The following AFAP1 variants were observed in gnomAD, a reference collection of about 807,000 sequenced individuals.
AFAP1 encodes actin filament-associated protein 1.
Under a neutral mutation model 93.9 loss-of-function variants are expected in AFAP1, and 75 were observed. That is an observed-to-expected ratio of 0.80 (90% CI 0.66 to 0.97). The LOEUF (loss-of-function observed/expected upper bound fraction) is 0.97. Ranked by LOEUF, AFAP1 falls within the 50% of genes least tolerant of loss-of-function variation. The probability of loss-of-function intolerance (pLI) is 0.00; values close to 1 mark genes in which losing one functional copy is unlikely to be tolerated. For synonymous variants in AFAP1, 517 were observed against 430.7 expected (o/e 1.20, Z -2.48); for missense variants, 1,201 against 1,050.8 (o/e 1.14, Z -1.98).
chr4:7,766,206 T>A (rs919873041), intron 17 of AFAP1, among the ~76,000 whole-genome samples: 5 of 152,048 alleles, frequency 3.3e-5, no homozygotes, highest in Non-Finnish European at 7.4e-5. Flanking sequence ...AAGGGGAGGA[T>A]GGGTAGCTGG....
At chr4:7,826,290 G>T (rs1029811779) in intron 6 of AFAP1, among the ~76,000 whole-genome samples, 3 of 152,216 alleles carry the variant, frequency 2.0e-5, no homozygotes, top group African/African-American at 4.8e-5. Flanking sequence ...CAAGGAAACA[G>T]AGTTTGGAGA....
intron 13 of AFAP1, among the ~76,000 whole-genome samples, chr4:7,779,721 G>A (rs991739543): frequency 6.6e-6 from 1 of 152,084 alleles, no homozygotes; most frequent in African/African-American, 2.4e-5. Flanking sequence ...TTTCTGAGCC[G>A]CCATTTGATC....
At chr4:7,885,197 C>A (rs1718077557) in intron 1 of AFAP1, among the ~76,000 whole-genome samples, 1 of 152,186 alleles carries the variant, frequency 6.6e-6, no homozygotes, top group African/African-American at 2.4e-5. Context: ...TCTTAATTAA[C>A]CTGGACTGTG....
chr4:7,891,564 G>A (rs1718472890), intron 1 of AFAP1, among the ~76,000 whole-genome samples: 1 of 152,126 alleles, frequency 6.6e-6, no homozygotes, highest in Non-Finnish European at 1.5e-5. Flanking sequence ...AGCTAATTCT[G>A]TTTTTCATAA....
At chr4:7,797,579 A>G (rs548786822) in intron 10 of AFAP1, among the ~76,000 whole-genome samples, 3 of 152,328 alleles carry the variant, frequency 2.0e-5, no homozygotes, top group Non-Finnish European at 2.9e-5. Flanking sequence ...CCTAAGTGTC[A>G]ATGATGTTGT....
chr4:7,872,823 G>A (rs1322337980), intron 1 of AFAP1, among the ~76,000 whole-genome samples: 1 of 150,866 alleles, frequency 6.6e-6, no homozygotes, highest in African/African-American at 2.4e-5. Context: ...TGGTGTAAAT[G>A]CCAAGGTAAA....
Position 7,763,756 on chromosome 4 carries a change from T to C in AFAP1, c.*9A>G. 2 of 1,551,674 alleles carry C rather than the reference T, an allele frequency of 1.3e-6. No homozygotes were observed. Among genetic ancestry groups the C allele is most frequent in the Non-Finnish European group, 1.7e-6 (2 of 1,146,974 alleles). On this transcript the variant is annotated 3_prime_UTR_variant, in exon 18 of 18. Coordinates refer to ENST00000420658, the MANE Select transcript of AFAP1 (RefSeq NM_001134647.2). ...GCAGTCTCTGAGGCTGGAGTGGTGC[T>C]GCTGTCCCCTAGGTCCCGTTCTTCA...
intron 4 of AFAP1, among the ~76,000 whole-genome samples, chr4:7,846,529 GC>G (rs937842804): frequency 2.6e-4 from 40 of 152,182 alleles, no homozygotes; most frequent in African/African-American, 9.4e-4. Flanking sequence ...GGACCACACA[GC>G]CCTCAGGGCT....
At chr4:7,764,393 A>T (rs377525867) in intron 17 of AFAP1, among the ~76,000 whole-genome samples, 19 of 106,848 alleles carry the variant, frequency 1.8e-4, no homozygotes, top group East Asian at 1.2e-3. Context: ...CAAAAAATAT[A>T]AAAAAAAAAG....
intron 16 of AFAP1, among the ~76,000 whole-genome samples, chr4:7,770,402 C>G (rs574191043): frequency 4.1e-4 from 62 of 152,098 alleles, no homozygotes; most frequent in Non-Finnish European, 1.8e-4. Flanking sequence ...CGGGGGTCAC[C>G]ATGATGAAAG....
chr4:7,878,858 C>G (rs749451435), intron 1 of AFAP1, among the ~76,000 whole-genome samples: 44 of 152,108 alleles, frequency 2.9e-4, no homozygotes, highest in Non-Finnish European at 5.0e-4. Flanking sequence ...CTTTTTATAC[C>G]GTAACACTGA....
rs982433930 is a variant in AFAP1, at chr4:7,817,818, TA to T, written c.822+1257del. 6.0e-5 allele frequency among the ~76,000 whole-genome samples: 9 copies of T among 149,534 alleles called. No homozygotes were observed. The East Asian group carries it at 1.2e-3, about 20-fold the overall frequency. On this transcript the variant is annotated intron_variant, in intron 7 of 17. Transcript: ENST00000420658. ...TTATGCATAAGCTTATCCAAACCAT[TA>T]AAAAAAAACCTTGAACTCAGGAAAG...
At position 7,759,593 on chromosome 4, in the gene AFAP1, A is replaced by T. The variant is rs961354119; in HGVS notation, c.*4172T>A. ...GGAAAAAATGAATTATCCTCCTTCA[A>T]ACTATGTCATGAACTTGAAGTGACT... is the stretch of plus-strand genomic sequence containing the variant. On this transcript the variant is annotated 3_prime_UTR_variant, in exon 18 of 18. Coordinates refer to ENST00000420658, the MANE Select transcript of AFAP1 (RefSeq NM_001134647.2). The T allele has an allele frequency of 6.5e-6, 1 of 152,690 alleles. No individual in the cohort carries two copies. The highest frequency in any genetic ancestry group is 6.5e-5 in the Admixed American group (1 of 15,292). 9.5% of individuals were successfully genotyped at this position (152,690 alleles called of 1,614,324 possible).
At chr4:7,923,254 C>T (rs1324191931) in intron 1 of AFAP1, among the ~76,000 whole-genome samples, 1 of 152,192 alleles carries the variant, frequency 6.6e-6, no homozygotes, top group Non-Finnish European at 1.5e-5. Flanking sequence ...CTATAGTATT[C>T]TGGAACCATC....
At chr4:7,893,098 C>G (rs975583731) in intron 1 of AFAP1, among the ~76,000 whole-genome samples, 1 of 152,136 alleles carries the variant, frequency 6.6e-6, no homozygotes, top group Non-Finnish European at 1.5e-5. Context: ...GCCGGGGGGG[C>G]AGAAACCACC....
intron 6 of AFAP1, among the ~76,000 whole-genome samples, chr4:7,831,430 G>T (rs143712902): frequency 6.7e-6 from 1 of 150,136 alleles, no homozygotes; most frequent in African/African-American, 2.5e-5. Context: ...ATTAACTTCC[G>T]TTCATAAATG....
At chr4:7,933,348 G>A (rs1019567398) in intron 1 of AFAP1, among the ~76,000 whole-genome samples, 29 of 152,090 alleles carry the variant, frequency 1.9e-4, no homozygotes, top group Non-Finnish European at 1.0e-4. Context: ...GCCAAGTTGG[G>A]CCGATCACGA....
At chr4:7,803,518 C>T (rs1243062910) in intron 9 of AFAP1, among the ~76,000 whole-genome samples, 1 of 151,748 alleles carries the variant, frequency 6.6e-6, no homozygotes, top group Non-Finnish European at 1.5e-5. Flanking sequence ...CGGCCCTGAT[C>T]CCCAACCACA....
At chr4:7,924,945 A>C (rs1720647146) in intron 1 of AFAP1, among the ~76,000 whole-genome samples, 1 of 151,930 alleles carries the variant, frequency 6.6e-6, no homozygotes, top group African/African-American at 2.4e-5. Flanking sequence ...CTAACCAATC[A>C]CATAGGACAC....
Sources: allele counts gnomAD v4.1 joint callset (sites outside exome capture counted in the v4.1 genomes callset), GRCh38; gene constraint gnomAD v4.1.1; transcripts MANE v1.5; gene names NCBI Gene and HGNC (gene_info 2026-07-23, HGNC 2026-07-21).